OR5M3: variants seen among roughly 807,000 people sequenced by gnomAD.
The protein encoded by OR5M3 is olfactory receptor family 5 subfamily M member 3.
For missense variants in OR5M3, 384 were observed against 378.6 expected, an observed-to-expected ratio of 1.01 and a Z score of -0.12; for synonymous variants, 129 against 131.3, an observed-to-expected ratio of 0.98 and a Z score of 0.12.
chr11:56,469,566 T>G lies in OR5M3; in HGVS notation c.*8A>C. On this transcript the variant is annotated 3_prime_UTR_variant, in exon 2 of 2. Transcript: ENST00000641993. ...GATAAAATTAAATCAAATTTGATTTTATTTTGTTTAACATGATCTGCTGAT... is the reference window on the plus strand; with the variant it reads ...GATAAAATTAAATCAAATTTGATTTGATTTTGTTTAACATGATCTGCTGAT... 6.8e-7 allele frequency: 1 copy of G among 1,461,764 alleles called. No homozygotes were observed. The highest frequency in any genetic ancestry group is 9.2e-7 in the Non-Finnish European group (1 of 1,090,120). The allele number at this position is 1,461,764 out of a possible 1,614,324, so 90.5% of individuals were successfully genotyped here.
intron 1 of OR5M3, 48 bp from the exon 2 acceptor site, chr11:56,470,589 A>G (rs1263229712): frequency 1.2e-5 from 8 of 686,384 alleles, no homozygotes; most frequent in African/African-American, 5.4e-5. Context: ...ATTAATTTAT[A>G]CCTTCAGATG....
rs1459979575 is a variant in OR5M3, at chr11:56,469,896, GCAA to G, written c.599_601del (p.Leu200_Ala201delinsPro). On this transcript the variant is annotated inframe_deletion, in exon 2 of 2. Coordinates refer to ENST00000641993, the MANE Select transcript of OR5M3 (RefSeq NM_001004742.3). Reference sequence around the variant, plus strand: ...CAGGGAATATGTGAAGTTAATGCCGGCAAGTATGATCATTGTATATTCTTTTAC... The same window carrying G: ...CAGGGAATATGTGAAGTTAATGCCGGGTATGATCATTGTATATTCTTTTAC... 3 of 1,612,886 alleles carry G rather than the reference GCAA, an allele frequency of 1.9e-6. No individual in the cohort carries two copies. Among genetic ancestry groups the G allele is most frequent in the Non-Finnish European group, 2.5e-6 (3 of 1,179,050 alleles).
In OR5M3 at chr11:56,469,497, T is replaced by C; in HGVS notation, c.*77A>G. On this transcript the variant is annotated 3_prime_UTR_variant, in exon 2 of 2. Transcript: ENST00000641993. ...CCACAGAATATCTTTATCTTAATGT[T>C]CCTAGGTACTGGGTAATAAACTTTT... 1 of 767,674 alleles carries C rather than the reference T, an allele frequency of 1.3e-6. No individual in the cohort carries two copies. The highest frequency in any genetic ancestry group is 2.8e-5 in the East Asian group (1 of 35,484). The allele number at this position is 767,674 out of a possible 1,614,324, so 47.6% of individuals were successfully genotyped here.
chr11:56,470,466 A>G lies in OR5M3; in HGVS notation c.32T>C (p.Ile11Thr). The G allele has an allele frequency of 1.2e-6, 2 of 1,605,050 alleles. No individual in the cohort carries two copies. Among genetic ancestry groups the G allele is most frequent in the South Asian group, 1.1e-5 (1 of 89,128 alleles). MLNFTDVTEF[I>T]LLGLTSRREW... ...TCGACGGCTCGTTAGCCCCAAAAGA[A>G]TGAACTCTGTCACATCGGTGAAATT... is the stretch of plus-strand genomic sequence containing the variant. The change falls in exon 2 of 2, where the codon ATT becomes ACT. Residue 11 changes from isoleucine (I) to threonine (T), a missense_variant. Transcript: ENST00000641993.
At chr11:56,471,263 A>G (rs1853664965) in intron 1 of OR5M3, among the ~76,000 whole-genome samples, 1 of 152,078 alleles carries the variant, frequency 6.6e-6, no homozygotes, top group South Asian at 2.1e-4. Flanking sequence ...GTAAACAAAT[A>G]CTTTTTAAAA....
In OR5M3 at chr11:56,470,468, G is replaced by T; in HGVS notation, c.30C>A (p.Phe10Leu). 1 of 1,602,048 alleles carries T rather than the reference G, an allele frequency of 6.2e-7. No individual in the cohort carries two copies. The highest frequency in any genetic ancestry group is 8.5e-7 in the Non-Finnish European group (1 of 1,174,504). The change falls in exon 2 of 2, where the codon TTC becomes TTA. Residue 10 changes from phenylalanine to leucine, a missense_variant. Physicochemically the swap from Phe to Leu is conservative, Grantham distance 22. Coordinates refer to ENST00000641993, the MANE Select transcript of OR5M3 (RefSeq NM_001004742.3). Reference protein sequence around the residue: MLNFTDVTEFILLGLTSRRE... With the variant: MLNFTDVTELILLGLTSRRE... ...GACGGCTCGTTAGCCCCAAAAGAAT[G>T]AACTCTGTCACATCGGTGAAATTGA...
intron 1 of OR5M3, among the ~76,000 whole-genome samples, 174 bp from the exon 2 acceptor site, chr11:56,470,715 A>G (rs571167790): frequency 6.6e-6 from 1 of 152,208 alleles, no homozygotes. Flanking sequence ...CTATTATATA[A>G]CAATTATACA....
At chr11:56,472,863 C>G (rs887887826) in intron 1 of OR5M3, among the ~76,000 whole-genome samples, 9 of 151,904 alleles carry the variant, frequency 5.9e-5, no homozygotes, top group Admixed American at 2.0e-4. Context: ...GATCCAGGCT[C>G]TATGATTTAT....
intron 1 of OR5M3, among the ~76,000 whole-genome samples, chr11:56,472,888 C>T (rs1469801995): frequency 6.6e-6 from 1 of 152,014 alleles, no homozygotes; most frequent in Non-Finnish European, 1.5e-5. Flanking sequence ...TAAAACTGGA[C>T]ATGTTTTATT....
Position 56,469,977 on chromosome 11 carries a change from T to A in OR5M3, c.521A>T (p.His174Leu), listed in dbSNP as rs370430378. 9.3e-6 allele frequency: 15 copies of A among 1,613,574 alleles called. No homozygotes were observed. The African/African-American group carries it at 1.9e-4, about 20-fold the overall frequency. Reference sequence around the variant, plus strand: ...GAGAGGTGGATCTGCACAGTAGAAATGGTTGATCTCAATTTTTCCACAGAA... The same window carrying A: ...GAGAGGTGGATCTGCACAGTAGAAAAGGTTGATCTCAATTTTTCCACAGAA... ...LYFCGKIEIN[H>L]FYCADPPLIK... Residue 174 changes from histidine (H) to leucine (L), a missense_variant, in exon 2 of 2, where the codon CAT becomes CTT. By Grantham distance (99) the His-to-Leu change is moderately conservative. Transcript: ENST00000641993.
intron 1 of OR5M3, 35 bp from the exon 2 acceptor site, chr11:56,470,576 T>C: frequency 2.7e-6 from 2 of 736,152 alleles, no homozygotes; most frequent in Non-Finnish European, 4.2e-6. Flanking sequence ...AGAATATTTA[T>C]TTATTAATTT....
chr11:56,470,168 A>G lies in OR5M3; in HGVS notation c.330T>C (p.Ile110=), dbSNP rs1404727140. The G allele has an allele frequency of 6.2e-7, 1 of 1,612,442 alleles. No homozygotes were observed. The highest frequency in any genetic ancestry group is 1.1e-5 in the South Asian group (1 of 91,052). ...CAAAGGCCATCGCAGCAAGAATAAA[A>G]ATTTCCACATGGACAAGAGCAATGA... ...FFFIALVHVE[I]FILAAMAFDR... is the part of the protein sequence containing the mutation. Residue 110 remains isoleucine, a synonymous_variant, in exon 2 of 2, where the codon ATT becomes ATC. Coordinates refer to ENST00000641993, the MANE Select transcript of OR5M3 (RefSeq NM_001004742.3).
Position 56,470,206 on chromosome 11 carries a change from G to C in OR5M3, c.292C>G (p.Gln98Glu). The C allele has an allele frequency of 6.2e-7, 1 of 1,613,712 alleles. No homozygotes were observed. Among genetic ancestry groups the C allele is most frequent in the Non-Finnish European group, 8.5e-7 (1 of 1,179,666 alleles). Reference protein sequence around the residue: ...KTITYAGCLVQCFFFIALVHV... With the variant: ...KTITYAGCLVECFFFIALVHV... Reference sequence around the variant, plus strand: ...ACAAGAGCAATGAAGAAGAAACACTGTACTAAACAACCAGCATAAGTAATT... The same window carrying C: ...ACAAGAGCAATGAAGAAGAAACACTCTACTAAACAACCAGCATAAGTAATT... Residue 98 changes from glutamine to glutamate, a missense_variant, in exon 2 of 2, where the codon CAG (glutamine) becomes GAG (glutamate). Coordinates refer to ENST00000641993, the MANE Select transcript of OR5M3 (RefSeq NM_001004742.3).
At chr11:56,472,631 G>C (rs898003244) in intron 1 of OR5M3, among the ~76,000 whole-genome samples, 10 of 152,016 alleles carry the variant, frequency 6.6e-5, no homozygotes, top group Non-Finnish European at 1.0e-4. Context: ...TCATCCTAGG[G>C]GGTGCGAAGT....
In OR5M3 at chr11:56,469,483, C is replaced by T. The variant is rs1409733778; in HGVS notation, c.*91G>A. The T allele has an allele frequency of 1.5e-5, 10 of 676,506 alleles. No homozygotes were observed. Among genetic ancestry groups the T allele is most frequent in the Non-Finnish European group, 2.4e-5 (10 of 420,454 alleles). 41.9% of individuals were successfully genotyped at this position (676,506 alleles called of 1,614,324 possible). A position where few individuals can be genotyped will look rare whatever the true frequency, so the allele number is the denominator to read the frequency against. ...TTTTTCTTTTCAACCCACAGAATATCTTTATCTTAATGTTCCTAGGTACTG... is the reference window on the plus strand; with the variant it reads ...TTTTTCTTTTCAACCCACAGAATATTTTTATCTTAATGTTCCTAGGTACTG... On this transcript the variant is annotated 3_prime_UTR_variant, in exon 2 of 2. Transcript: ENST00000641993.
At chr11:56,471,874 C>T (rs1853670786) in intron 1 of OR5M3, among the ~76,000 whole-genome samples, 1 of 152,012 alleles carries the variant, frequency 6.6e-6, no homozygotes, top group South Asian at 2.1e-4. Flanking sequence ...GTCAAACCTT[C>T]TAATGGCTAT....
intron 1 of OR5M3, 131 bp from the exon 2 acceptor site, chr11:56,470,672 A>G: frequency 4.2e-6 from 2 of 475,362 alleles, no homozygotes; most frequent in Non-Finnish European, 7.3e-6. Context: ...CTGTTATGTA[A>G]CAGGCTCTGT....
chr11:56,470,268 G>A lies in OR5M3; in HGVS notation c.230C>T (p.Pro77Leu), dbSNP rs1280977228. 6.8e-6 allele frequency: 11 copies of A among 1,613,070 alleles called. No individual in the cohort carries two copies. Among genetic ancestry groups the A allele is most frequent in the Non-Finnish European group, 9.3e-6 (11 of 1,179,150 alleles). The stretch of plus-strand genomic sequence containing the variant: ...TGATAACAGGTTTTCCAACATTTTA[G>A]GGGTGACATTGGAAGAAAACCACAC... ...VDVWFSSNVT[P>L]KMLENLLSDK... Residue 77 changes from proline (P) to leucine (L), a missense_variant, in exon 2 of 2, where the codon CCT becomes CTT. Pro to Leu is a moderately conservative substitution (Grantham distance 98). Coordinates refer to ENST00000641993, the MANE Select transcript of OR5M3 (RefSeq NM_001004742.3).
rs961146789 is a variant in OR5M3, at chr11:56,473,289, G to A, written c.-113C>T. ...AAAGCGCATGCTATATATGGGAATGGTAAACACTTTCAACCTGATGAAAGG... is the reference window on the plus strand; with the variant it reads ...AAAGCGCATGCTATATATGGGAATGATAAACACTTTCAACCTGATGAAAGG... On this transcript the variant is annotated 5_prime_UTR_variant, in exon 1 of 2. Transcript: ENST00000641993. 3.3e-5 allele frequency: 5 copies of A among 152,092 alleles called. No individual in the cohort carries two copies. The highest frequency in any genetic ancestry group is 5.9e-5 in the Non-Finnish European group (4 of 67,986). The allele number at this position is 152,092 out of a possible 1,614,324, so 9.4% of individuals were successfully genotyped here.
Sources: allele counts gnomAD v4.1 joint callset (sites outside exome capture counted in the v4.1 genomes callset), GRCh38; gene constraint gnomAD v4.1.1; transcripts MANE v1.5; gene names NCBI Gene and HGNC (gene_info 2026-07-23, HGNC 2026-07-21).